NAALADL2: variants seen among roughly 807,000 people sequenced by gnomAD.
NAALADL2 encodes inactive N-acetylated-alpha-linked acidic dipeptidase-like protein 2.
In NAALADL2, 76 loss-of-function variants were observed where a neutral mutation model predicts 87.2. The ratio of observed to expected loss-of-function variants is 0.87; its 90% CI spans 0.72 to 1.05. The LOEUF (loss-of-function observed/expected upper bound fraction) is 1.05, where lower values mean the gene tolerates loss of function less well. NAALADL2 is among the 50% of genes least tolerant of loss of function. NAALADL2 has a pLI of 0.00. For synonymous variants in NAALADL2, 354 were observed against 331.0 expected, an observed-to-expected ratio of 1.07 and a Z score of -0.75; for missense variants, 1,089 against 945.8, an observed-to-expected ratio of 1.15 and a Z score of -1.99.
rs113028022 is a variant in NAALADL2 at position 174,622,340 on chromosome 3, T to A, written c.-115+71703T>A. 7.8e-3 allele frequency among the ~76,000 whole-genome samples: 1,193 copies of A among 152,316 alleles called. 9 individuals carry two copies. The highest frequency in any genetic ancestry group is 0.028 in the African/African-American group (1,154 of 41,552). On this transcript the variant is annotated intron_variant, in intron 2 of 3. Coordinates refer to the NAALADL2 transcript ENST00000434257. ...ACCTCTAAACTAAGTATATCTGTTTTCTTGGATTGATAAAAGGATTAAGTG... is the reference window on the plus strand; with the variant it reads ...ACCTCTAAACTAAGTATATCTGTTTACTTGGATTGATAAAAGGATTAAGTG...
At chr3:175,320,713 C>T (rs909944683) in intron 4 of NAALADL2, among the ~76,000 whole-genome samples, 12 of 152,108 alleles carry the variant, frequency 7.9e-5, no homozygotes, top group African/African-American at 1.4e-4. Context: ...AACACCTCTA[C>T]GCAAATAAAC....
At chr3:174,948,336 C>T (rs771468399) in intron 1 of NAALADL2, among the ~76,000 whole-genome samples, 9 of 152,048 alleles carry the variant, frequency 5.9e-5, no homozygotes, top group Non-Finnish European at 1.2e-4. Context: ...GCCACCAAAC[C>T]CGGCTAATTT....
chr3:174,558,109 G>GC (rs1326679967), intron 2 of NAALADL2, among the ~76,000 whole-genome samples: 2 of 152,132 alleles, frequency 1.3e-5, no homozygotes, highest in Admixed American at 1.3e-4. Context: ...GGCACAGTGA[G>GC]CCCACTCCTT....
chr3:175,315,124 T>C (rs1581384546), intron 4 of NAALADL2, among the ~76,000 whole-genome samples: 2 of 152,122 alleles, frequency 1.3e-5, no homozygotes, highest in East Asian at 1.9e-4. Context: ...ATAATGTAGC[T>C]TGATGGGAGT....
intron 4 of NAALADL2, among the ~76,000 whole-genome samples, chr3:175,294,461 T>G (rs2110169164): frequency 6.6e-6 from 1 of 152,284 alleles, no homozygotes; most frequent in Middle Eastern, 3.4e-3. Flanking sequence ...ATTGAGAATT[T>G]ACAGTGTCCT....
chr3:174,537,332 T>C (rs1387166956), intron 1 of NAALADL2, among the ~76,000 whole-genome samples: 2 of 152,214 alleles, frequency 1.3e-5, no homozygotes, highest in African/African-American at 4.8e-5. Context: ...TTAATCAGTA[T>C]AATTAATTAT....
At chr3:174,515,732 T>C (rs1413767037) in intron 1 of NAALADL2, among the ~76,000 whole-genome samples, 1 of 150,404 alleles carries the variant, frequency 6.6e-6, no homozygotes, top group Non-Finnish European at 1.5e-5. Flanking sequence ...GTTGAGATAA[T>C]ATATAATTGG....
In NAALADL2 at chr3:175,697,896, T is replaced by G. The variant is rs866913537; in HGVS notation, c.1897-39410T>G. ...ATACATATATATGTGTATATATGTA[T>G]GTATACATATATATGTGTATATATG... On this transcript the variant is annotated intron_variant, in intron 11 of 13. Transcript: ENST00000454872. Among the ~76,000 whole-genome samples, 173 of 84,004 alleles carry G rather than the reference T, an allele frequency of 2.1e-3. 4 individuals are homozygous for G. The highest frequency in any genetic ancestry group is 8.0e-3 in the African/African-American group (161 of 20,008). 55.1% of individuals were successfully genotyped at this position (84,004 alleles called of 152,430 possible). A position where few individuals can be genotyped will look rare whatever the true frequency, so the allele number is the denominator to read the frequency against.
At chr3:174,857,588 G>A (rs66825905), upstream of NAALADL2, among the ~76,000 whole-genome samples, 17,432 of 152,110 alleles carry the variant, frequency 0.11, 1,090 homozygotes, top group Middle Eastern at 0.15. Flanking sequence ...TCCTTTTAAA[G>A]TGAAGTAAGA....
chr3:175,413,595 G>A (rs577681746), intron 5 of NAALADL2, among the ~76,000 whole-genome samples: 1 of 141,700 alleles, frequency 7.1e-6, no homozygotes, highest in East Asian at 2.1e-4. Flanking sequence ...TCCCAAACAT[G>A]TGCTATATGG....
chr3:175,757,690 G>C (rs1376966791), intron 13 of NAALADL2, among the ~76,000 whole-genome samples: 1 of 151,910 alleles, frequency 6.6e-6, no homozygotes, highest in African/African-American at 2.4e-5. Context: ...TTAAGCATCA[G>C]GGACATAGCT....
chr3:175,319,542 G>A (rs1016102924), intron 4 of NAALADL2, among the ~76,000 whole-genome samples: 5 of 152,192 alleles, frequency 3.3e-5, no homozygotes, highest in Non-Finnish European at 5.9e-5. Flanking sequence ...TTGCTGGGCA[G>A]GGCGCGGTGG....
intron 3 of NAALADL2, among the ~76,000 whole-genome samples, chr3:174,839,252 C>T (rs917397968): frequency 3.9e-5 from 6 of 152,066 alleles, no homozygotes; most frequent in African/African-American, 1.5e-4. Context: ...CAAAGGGCAC[C>T]CTATTCAACA....
intron 1 of NAALADL2, among the ~76,000 whole-genome samples, chr3:175,069,772 A>C (rs1445655809): frequency 6.6e-6 from 1 of 151,810 alleles, no homozygotes; most frequent in Non-Finnish European, 1.5e-5. Flanking sequence ...CAAATGTCCA[A>C]CAATGATAGA....
At chr3:175,802,945 C>T (rs1050689366) in intron 13 of NAALADL2, 60 bp from the exon 14 acceptor site, 31 of 1,069,742 alleles carry the variant, frequency 2.9e-5, no homozygotes, top group East Asian at 7.5e-5. Flanking sequence ...TTCATTCCAA[C>T]GTTTGATAGA....
chr3:174,902,651 A>T (rs557932866), intron 1 of NAALADL2, among the ~76,000 whole-genome samples: 37 of 152,292 alleles, frequency 2.4e-4, no homozygotes, highest in Non-Finnish European at 3.7e-4. Context: ...AGGAGATATT[A>T]TGAACTCAAA....
intron 2 of NAALADL2, among the ~76,000 whole-genome samples, chr3:175,211,183 T>C (rs1270269914): frequency 6.6e-6 from 1 of 151,868 alleles, no homozygotes; most frequent in Non-Finnish European, 1.5e-5. Context: ...TCTAAAGTGA[T>C]ACACATTTTA....
chr3:175,244,031 T>G (rs779242856), intron 3 of NAALADL2, among the ~76,000 whole-genome samples: 1 of 152,160 alleles, frequency 6.6e-6, no homozygotes, highest in East Asian at 1.9e-4. Flanking sequence ...TGCCTGGACT[T>G]TCAACACAGC....
At chr3:174,946,110 G>C (rs1485571538) in intron 1 of NAALADL2, among the ~76,000 whole-genome samples, 2 of 146,396 alleles carry the variant, frequency 1.4e-5, no homozygotes, top group Non-Finnish European at 1.5e-5. Context: ...ACCTAATTCT[G>C]TGACTATTCC....
Sources: gnomAD v4.1 joint callset for allele counts (sites outside exome capture counted in the v4.1 genomes callset) on GRCh38, gnomAD v4.1.1 for gene constraint, MANE v1.5 for transcripts, NCBI Gene and HGNC (gene_info 2026-07-23, HGNC 2026-07-21) for gene names.